The following CNBD2 variants were observed in gnomAD, a reference collection of about 807,000 sequenced individuals.
CNBD2 encodes the protein cyclic nucleotide-binding domain-containing protein 2.
In CNBD2, 64 loss-of-function variants were observed where a neutral mutation model predicts 63.7. The ratio of observed to expected loss-of-function variants is 1.00; its 90% CI spans 0.82 to 1.24. The LOEUF (loss-of-function observed/expected upper bound fraction) is 1.24, where lower values mean the gene tolerates loss of function less well. Among genes scored for constraint, CNBD2 ranks in the 50% most tolerant of loss-of-function variants. CNBD2 has a pLI of 0.00. For missense variants in CNBD2, 691 were observed against 713.5 expected, an observed-to-expected ratio of 0.97 and a Z score of 0.36; for synonymous variants, 229 against 255.4, an observed-to-expected ratio of 0.90 and a Z score of 0.99.
chr20:36,007,547 G>T (rs115485533), intron 8 of CNBD2, among the ~76,000 whole-genome samples: 258 of 152,078 alleles, frequency 1.7e-3, no homozygotes, highest in Middle Eastern at 6.8e-3. Context: ...TTTTTTTGAG[G>T]CAAAGTCTTA....
intron 8 of CNBD2, among the ~76,000 whole-genome samples, chr20:35,998,829 C>T (rs1304718638): frequency 2.1e-5 from 3 of 145,884 alleles, no homozygotes; most frequent in Middle Eastern, 3.4e-3. Context: ...GCCAAGATCA[C>T]GCCACTGCAC....
chr20:36,020,218 G>A (rs560898315), intron 10 of CNBD2, among the ~76,000 whole-genome samples: 48 of 152,226 alleles, frequency 3.2e-4, no homozygotes, highest in African/African-American at 1.1e-3. Flanking sequence ...AAGTAGCTGG[G>A]ACTACAAGCA....
chr20:35,954,726 C>T, exon 1 of CNBD2: 1 of 884,188 alleles, frequency 1.1e-6, no homozygotes. Context: ...AGTCCCGGAC[C>T]TTATCCGTGC....
chr20:35,954,413 G>A (rs2056224284), upstream of CNBD2: 2 of 1,553,112 alleles, frequency 1.3e-6, no homozygotes, highest in African/African-American at 2.7e-5. Context: ...TGAGGGAGTC[G>A]GACTCGGGAC....
At chr20:35,972,523 C>A in intron 1 of CNBD2, 106 bp from the exon 2 acceptor site, 1 of 1,059,114 alleles carries the variant, frequency 9.4e-7, no homozygotes, top group Non-Finnish European at 1.4e-6. Flanking sequence ...CAGCACACTA[C>A]TGCATTTAAT....
intron 7 of CNBD2, 57 bp from the exon 8 acceptor site, chr20:35,994,981 T>C: frequency 5.9e-6 from 7 of 1,183,896 alleles, no homozygotes; most frequent in Non-Finnish European, 8.7e-6. Flanking sequence ...CTTCAAAGCC[T>C]GGCCTACCTG....
At position 35,983,990 on chromosome 20, in the gene CNBD2, G is replaced by A. The variant is rs138045142; in HGVS notation, c.416G>A (p.Arg139His). The A allele has an allele frequency of 4.2e-5, 67 of 1,614,164 alleles. 1 individual carries two copies. The highest frequency in any genetic ancestry group is 4.0e-4 in the East Asian group (18 of 44,878). The change falls in exon 5 of 12, where the codon CGC becomes CAC. Residue 139 changes from arginine (R) to histidine (H), a missense_variant. Physicochemically the swap from Arg to His is conservative, Grantham distance 29. Coordinates refer to ENST00000373973, the MANE Select transcript of CNBD2 (RefSeq NM_001365709.1). ...CAGTGGTCTTTTCCCAGGTTTGGTC[G>A]CAGGCGTGTGATCATCAAGAAGGGG... ...AKVMRFERFG[R>H]RRVIIKKGQK...
chr20:36,001,181 C>G (rs1404972456), intron 8 of CNBD2, among the ~76,000 whole-genome samples: 1 of 152,078 alleles, frequency 6.6e-6, no homozygotes, highest in Non-Finnish European at 1.5e-5. Flanking sequence ...CAATGTTTTC[C>G]CCACCTTTCC....
At chr20:35,958,351 G>GAAA (rs1384777056), downstream of CNBD2, among the ~76,000 whole-genome samples, 1 of 152,164 alleles carries the variant, frequency 6.6e-6, no homozygotes, top group African/African-American at 2.4e-5. Flanking sequence ...AGAATCACTT[G>GAAA]AACCCGGGAG....
At chr20:36,021,294 A>G (rs1334872626) in intron 10 of CNBD2, among the ~76,000 whole-genome samples, 2 of 152,194 alleles carry the variant, frequency 1.3e-5, no homozygotes, top group African/African-American at 4.8e-5. Context: ...GTTAAGTGGA[A>G]TAAGCCAAGC....
intron 7 of CNBD2, among the ~76,000 whole-genome samples, chr20:35,988,414 G>T (rs2056698696): frequency 1.3e-5 from 2 of 151,892 alleles, no homozygotes; most frequent in African/African-American, 2.4e-5. Context: ...CAAGTGATCT[G>T]CCTGCCTCAG....
chr20:36,006,682 G>T (rs144137218), intron 8 of CNBD2, among the ~76,000 whole-genome samples: 13 of 152,260 alleles, frequency 8.5e-5, no homozygotes, highest in African/African-American at 2.6e-4. Context: ...CTTCCAAAGC[G>T]TGGGATTACA....
At chr20:36,002,909 T>C (rs2039982768) in intron 8 of CNBD2, among the ~76,000 whole-genome samples, 1 of 152,164 alleles carries the variant, frequency 6.6e-6, no homozygotes, top group South Asian at 2.1e-4. Flanking sequence ...ATCCAATATA[T>C]TATTGGATTG....
intron 7 of CNBD2, among the ~76,000 whole-genome samples, chr20:35,988,463 AC>A (rs1202595416): frequency 1.3e-5 from 2 of 152,182 alleles, no homozygotes; most frequent in South Asian, 2.1e-4. Context: ...TAGCCACCAC[AC>A]CCAACCTTAA....
chr20:36,029,451 C>T (rs549553766), intron 11 of CNBD2, among the ~76,000 whole-genome samples: 2 of 152,234 alleles, frequency 1.3e-5, no homozygotes, highest in African/African-American at 4.8e-5. Flanking sequence ...TCCAAGATGC[C>T]GGAGGAGGAC....
chr20:36,029,104 A>G (rs1379858738), intron 11 of CNBD2, among the ~76,000 whole-genome samples: 1 of 152,184 alleles, frequency 6.6e-6, no homozygotes, highest in Non-Finnish European at 1.5e-5. Context: ...CTAGAAATCA[A>G]TGTGACCATC....
intron 8 of CNBD2, among the ~76,000 whole-genome samples, chr20:35,998,843 A>G (rs1203266530): frequency 6.8e-6 from 1 of 146,438 alleles, no homozygotes; most frequent in Admixed American, 7.1e-5. Context: ...ACTGCACTCC[A>G]GTCCGAGCGA....
chr20:35,984,873 G>T (rs2056647611), intron 6 of CNBD2, 95 bp downstream of exon 6: 3 of 1,302,040 alleles, frequency 2.3e-6, no homozygotes, highest in Non-Finnish European at 3.3e-6. Flanking sequence ...CATACTGGTT[G>T]CTGTTCTCTC....
chr20:35,956,010 C>T (rs113884946), downstream of CNBD2, among the ~76,000 whole-genome samples: 3 of 152,292 alleles, frequency 2.0e-5, no homozygotes, highest in East Asian at 1.9e-4. Context: ...CGTGAGCCAC[C>T]GTGCCGGGCC....
Sources: allele counts gnomAD v4.1 joint callset (sites outside exome capture counted in the v4.1 genomes callset), GRCh38; gene constraint gnomAD v4.1.1; transcripts MANE v1.5; gene names NCBI Gene and HGNC (gene_info 2026-07-23, HGNC 2026-07-21).